Variants in MAGI1 observed in about 807,000 individuals in gnomAD.
MAGI1 encodes the protein membrane-associated guanylate kinase, WW and PDZ domain-containing protein 1.
In MAGI1, 58 loss-of-function variants were observed where a neutral mutation model predicts 139.9. That is an observed-to-expected ratio of 0.41 (90% CI 0.34 to 0.52). The LOEUF (loss-of-function observed/expected upper bound fraction) is 0.52, where lower values mean the gene tolerates loss of function less well. MAGI1 is among the 20% of genes least tolerant of loss of function. The probability of loss-of-function intolerance (pLI) is 0.12; values close to 1 mark genes in which losing one functional copy is unlikely to be tolerated. For synonymous variants in MAGI1, 812 were observed against 737.9 expected, an observed-to-expected ratio of 1.10 and a Z score of -1.63; for missense variants, 1,874 against 1,901.6, an observed-to-expected ratio of 0.99 and a Z score of 0.27.
intron 12 of MAGI1, among the ~76,000 whole-genome samples, chr3:65,419,414 A>G (rs1298175762): frequency 3.3e-5 from 5 of 152,306 alleles, no homozygotes; most frequent in Admixed American, 6.5e-5. Context: ...CTTCCAAGAA[A>G]AACACTGGGT....
At chr3:65,897,761 G>A (rs1386166542) in intron 1 of MAGI1, among the ~76,000 whole-genome samples, 1 of 152,034 alleles carries the variant, frequency 6.6e-6, no homozygotes, top group African/African-American at 2.4e-5. Flanking sequence ...TACTAGGGAG[G>A]CTGAAGTGGG....
chr3:65,899,968 T>C (rs1312067555), intron 1 of MAGI1, among the ~76,000 whole-genome samples: 1 of 152,174 alleles, frequency 6.6e-6, no homozygotes, highest in Non-Finnish European at 1.5e-5. Context: ...GAAAGGAACA[T>C]TTTTCACATA....
At position 65,387,303 on chromosome 3, in the gene MAGI1, T is replaced by C. The variant is rs1224971824; in HGVS notation, c.2417-3680A>G. The C allele has an allele frequency of 5.5e-6, 6 of 1,089,228 alleles. No individual in the cohort carries two copies. In the Admixed American group the frequency reaches 1.1e-4, roughly 20 times the overall value. 67.5% of individuals were successfully genotyped at this position (1,089,228 alleles called of 1,614,324 possible). ...TAGTTCACTTTAATTTAGTTTTGAT[T>C]GATAAGGAACAGTCAGTTCAGCTTT... On this transcript the variant is annotated intron_variant, in intron 14 of 22. Transcript: ENST00000402939.
chr3:65,515,137 T>C lies in MAGI1; in HGVS notation c.431-21506A>G, dbSNP rs1468016444. On this transcript the variant is annotated intron_variant, in intron 2 of 22. Coordinates refer to ENST00000402939, the MANE Select transcript of MAGI1 (RefSeq NM_001033057.2). ...GATCACATGGACACAGGAAGGGGAA[T>C]ATCACACTCTAGGGACTGTGGTGGG... Among the ~76,000 whole-genome samples, 6 of 115,252 alleles carry C rather than the reference T, an allele frequency of 5.2e-5. No homozygotes were observed. The South Asian group carries it at 1.4e-3, about 27-fold the overall frequency. The allele number at this position is 115,252 out of a possible 152,430, so 75.6% of individuals were successfully genotyped here.
At chr3:65,442,100 T>C (rs1948379860) in intron 8 of MAGI1, among the ~76,000 whole-genome samples, 1 of 150,864 alleles carries the variant, frequency 6.6e-6, no homozygotes, top group African/African-American at 2.4e-5. Flanking sequence ...TTTTTCAATG[T>C]CCTAACCTTT....
At chr3:65,801,216 A>G (rs1287522144) in intron 1 of MAGI1, among the ~76,000 whole-genome samples, 1 of 152,198 alleles carries the variant, frequency 6.6e-6, no homozygotes, top group Non-Finnish European at 1.5e-5. Context: ...AAAAATACAG[A>G]TTTCAAGAAC....
intron 1 of MAGI1, among the ~76,000 whole-genome samples, chr3:65,713,008 A>C (rs2107656405): frequency 6.6e-6 from 1 of 152,306 alleles, no homozygotes; most frequent in African/African-American, 2.4e-5. Flanking sequence ...GCTCATAGCT[A>C]GGAAAGGAAT....
chr3:66,012,683 T>G (rs56262264), intron 1 of MAGI1, among the ~76,000 whole-genome samples: 11,941 of 151,334 alleles, frequency 0.079, 687 homozygotes, highest in Middle Eastern at 0.2. Flanking sequence ...GGAGAACAAC[T>G]TGAACCTGGG....
intron 2 of MAGI1, among the ~76,000 whole-genome samples, chr3:65,507,212 C>A (rs922739679): frequency 2.6e-5 from 4 of 152,190 alleles, no homozygotes; most frequent in Admixed American, 2.6e-4. Context: ...AGCCACACAG[C>A]AGTATCATGT....
intron 2 of MAGI1, among the ~76,000 whole-genome samples, chr3:65,543,532 A>G (rs2079348903): frequency 6.6e-6 from 1 of 152,232 alleles, no homozygotes; most frequent in Non-Finnish European, 1.5e-5. Context: ...CTGGATAAAG[A>G]AAATGTGGCA....
chr3:65,501,408 C>T (rs1252740153), intron 2 of MAGI1, among the ~76,000 whole-genome samples: 22 of 128,446 alleles, frequency 1.7e-4, no homozygotes, highest in Non-Finnish European at 3.0e-4. Flanking sequence ...GAGCTGAGAT[C>T]GTGCCACTGC....
chr3:65,967,846 G>C (rs1393615419), intron 1 of MAGI1, among the ~76,000 whole-genome samples: 3 of 152,216 alleles, frequency 2.0e-5, no homozygotes, highest in Non-Finnish European at 2.9e-5. Flanking sequence ...GGAAGGAAGA[G>C]TGAGGAAGGG....
chr3:65,861,252 G>A (rs1470483462), intron 1 of MAGI1, among the ~76,000 whole-genome samples: 6 of 152,304 alleles, frequency 3.9e-5, no homozygotes, highest in East Asian at 3.9e-4. Flanking sequence ...AATATTTGAC[G>A]TGCCAACAAA....
At chr3:66,002,197 A>AT (rs749754996) in intron 1 of MAGI1, among the ~76,000 whole-genome samples, 61 of 152,290 alleles carry the variant, frequency 4.0e-4, no homozygotes, top group Non-Finnish European at 5.9e-4. Context: ...TTAAATTCGC[A>AT]TTTTCAGAAA....
At chr3:65,556,656 T>C (rs72902220) in intron 2 of MAGI1, among the ~76,000 whole-genome samples, 3,610 of 152,328 alleles carry the variant, frequency 0.024, 125 homozygotes, top group African/African-American at 0.082. Context: ...TCCACCATGA[T>C]CTTTTGCCTA....
chr3:65,755,451 T>G (rs1255297324), intron 1 of MAGI1, among the ~76,000 whole-genome samples: 1 of 152,102 alleles, frequency 6.6e-6, no homozygotes, highest in Admixed American at 6.6e-5. Context: ...CATGTGAAAG[T>G]GTATCTGAAT....
intron 1 of MAGI1, among the ~76,000 whole-genome samples, chr3:65,987,456 G>A (rs2065939129): frequency 6.6e-6 from 1 of 152,184 alleles, no homozygotes; most frequent in Non-Finnish European, 1.5e-5. Context: ...CTGCACATTA[G>A]AGGTGGGAGG....
chr3:65,881,087 T>C (rs920191222), intron 1 of MAGI1, among the ~76,000 whole-genome samples: 3 of 151,986 alleles, frequency 2.0e-5, no homozygotes, highest in African/African-American at 7.2e-5. Flanking sequence ...GGTTTCTCCA[T>C]GTTGCCTAGG....
chr3:65,569,377 C>T (rs1283230977), intron 2 of MAGI1, among the ~76,000 whole-genome samples: 1 of 152,024 alleles, frequency 6.6e-6, no homozygotes, highest in Non-Finnish European at 1.5e-5. Context: ...TGCACAATAG[C>T]ATAATGTATT....
Sources: allele counts gnomAD v4.1 joint callset (sites outside exome capture counted in the v4.1 genomes callset), GRCh38; gene constraint gnomAD v4.1.1; transcripts MANE v1.5; gene names NCBI Gene and HGNC (gene_info 2026-07-23, HGNC 2026-07-21).